GRB10: variants seen among roughly 807,000 people sequenced by gnomAD.
The protein encoded by GRB10 is growth factor receptor-bound protein 10.
In GRB10, 20 loss-of-function variants were observed where a neutral mutation model predicts 80.9. The ratio of observed to expected loss-of-function variants is 0.25; its 90% CI spans 0.17 to 0.36. GRB10 has a LOEUF of 0.36. GRB10 is among the 10% of genes least tolerant of loss of function. GRB10 has a pLI of 1.00. For synonymous variants in GRB10, 291 were observed against 291.5 expected, an observed-to-expected ratio of 1.00 and a Z score of 0.02; for missense variants, 548 against 747.7, an observed-to-expected ratio of 0.73 and a Z score of 3.12.
intron 4 of GRB10, among the ~76,000 whole-genome samples, chr7:50,713,483 C>G (rs1337870348): frequency 6.7e-6 from 1 of 149,878 alleles, no homozygotes; most frequent in Non-Finnish European, 1.5e-5. Context: ...TCAACCAACT[C>G]CTCTACCATC....
chr7:50,654,909 T>C (rs1207427299), intron 7 of GRB10, among the ~76,000 whole-genome samples: 1 of 152,200 alleles, frequency 6.6e-6, no homozygotes, highest in Admixed American at 6.5e-5. Flanking sequence ...CATTAGCTAA[T>C]TTACAGACCT....
intron 4 of GRB10, among the ~76,000 whole-genome samples, chr7:50,712,951 A>G (rs2066121377): frequency 6.6e-6 from 1 of 152,244 alleles, no homozygotes; most frequent in Non-Finnish European, 1.5e-5. Context: ...CCATCACCCT[A>G]CAAAGAAACC....
intron 7 of GRB10, among the ~76,000 whole-genome samples, chr7:50,658,527 C>T (rs146427313): frequency 1.4e-4 from 21 of 152,254 alleles, no homozygotes; most frequent in Non-Finnish European, 2.5e-4. Context: ...AGGAGCCTCA[C>T]GTAGATGGCC....
chr7:50,635,563 A>C (rs1041404484), intron 7 of GRB10, among the ~76,000 whole-genome samples: 3 of 151,858 alleles, frequency 2.0e-5, no homozygotes, highest in African/African-American at 7.3e-5. Context: ...AAACAAAACA[A>C]AACAAAAAAA....
chr7:50,660,331 CAGGA>C (rs1384352263), intron 7 of GRB10, among the ~76,000 whole-genome samples: 1 of 151,864 alleles, frequency 6.6e-6, no homozygotes, highest in Admixed American at 6.6e-5. Context: ...TGCATTCATG[CAGGA>C]AGGGAGGTAG....
intron 5 of GRB10, among the ~76,000 whole-genome samples, chr7:50,694,098 CA>C (rs926436461): frequency 1.6e-4 from 25 of 152,200 alleles, no homozygotes; most frequent in African/African-American, 5.8e-4. Flanking sequence ...CCAGCACGGA[CA>C]GATCACCCAA....
chr7:50,662,130 G>A (rs2059341589), intron 7 of GRB10, among the ~76,000 whole-genome samples: 1 of 152,190 alleles, frequency 6.6e-6, no homozygotes, highest in Admixed American at 6.5e-5. Flanking sequence ...TTGGAGTCTG[G>A]CCCCATGCCC....
chr7:50,717,794 G>A (rs1215322356), intron 4 of GRB10, among the ~76,000 whole-genome samples: 1 of 152,242 alleles, frequency 6.6e-6, no homozygotes, highest in Non-Finnish European at 1.5e-5. Flanking sequence ...CTGAAATGAG[G>A]TTCTTGGGGT....
At chr7:50,660,275 A>G (rs988804972) in intron 7 of GRB10, among the ~76,000 whole-genome samples, 4 of 152,094 alleles carry the variant, frequency 2.6e-5, no homozygotes, top group African/African-American at 9.7e-5. Context: ...GTGGGGGTGC[A>G]GCCATCATGC....
At position 50,669,772 on chromosome 7, in the gene GRB10, G is replaced by C. The variant is rs200175899; in HGVS notation, c.454C>G (p.Pro152Ala). The C allele has an allele frequency of 7.1e-4, 1,143 of 1,613,962 alleles. 10 individuals are homozygous for C. In the African/African-American group the frequency reaches 0.012, roughly 17 times the overall value. The change falls in exon 7 of 19, where the codon CCT (proline) becomes GCT (alanine). Residue 152 changes from proline to alanine, a missense_variant. Pro to Ala is a conservative substitution (Grantham distance 27). Coordinates refer to ENST00000401949, the MANE Select transcript of GRB10 (RefSeq NM_001350814.2). ...FPELCGPGSP[P>A]VLTPGSLPPS... ...GGTAAAGAACCCGGCGTGAGCACAGGGGGGCTCCCAGGGCCACAGAGTTCA... is the reference window on the plus strand; with the variant it reads ...GGTAAAGAACCCGGCGTGAGCACAGCGGGGCTCCCAGGGCCACAGAGTTCA...
intron 6 of GRB10, 130 bp from the exon 7 acceptor site, chr7:50,669,993 G>A (rs1563369939): frequency 1.7e-6 from 2 of 1,170,036 alleles, no homozygotes; most frequent in Non-Finnish European, 2.5e-6. Flanking sequence ...CACGTTCACA[G>A]TGGCATCCTT....
At chr7:50,649,973 A>C (rs1258074583) in intron 7 of GRB10, among the ~76,000 whole-genome samples, 1 of 152,098 alleles carries the variant, frequency 6.6e-6, no homozygotes, top group Non-Finnish European at 1.5e-5. Flanking sequence ...CTGGTTATAG[A>C]TCTGGGTCAT....
intron 7 of GRB10, among the ~76,000 whole-genome samples, chr7:50,642,031 T>C (rs770628871): frequency 3.9e-5 from 6 of 152,176 alleles, no homozygotes; most frequent in South Asian, 2.1e-4. Context: ...AGGCTCTACA[T>C]AGAGGCTTCA....
chr7:50,700,742 TA>T (rs1439517382), intron 5 of GRB10, among the ~76,000 whole-genome samples: 1 of 152,256 alleles, frequency 6.6e-6, no homozygotes, highest in Admixed American at 6.5e-5. Flanking sequence ...GGGTGTGTTT[TA>T]AAGTTTCCTC....
At chr7:50,676,344 G>GC (rs1563400714) in intron 5 of GRB10, among the ~76,000 whole-genome samples, 2 of 135,912 alleles carry the variant, frequency 1.5e-5, no homozygotes, top group Non-Finnish European at 1.7e-5. Flanking sequence ...CCGGGGGGGG[G>GC]GGGGGGTTGT....
chr7:50,792,521 G>GCATCAGAAATTTC, intron 1 of GRB10: 1 of 398,586 alleles, frequency 2.5e-6, no homozygotes, highest in Non-Finnish European at 4.4e-6. Context: ...GCGAAGAGTT[G>GCATCAGAAATTTC]CATCAGAAAT....
At chr7:50,694,244 A>T (rs1049284198) in intron 5 of GRB10, among the ~76,000 whole-genome samples, 1 of 152,228 alleles carries the variant, frequency 6.6e-6, no homozygotes, top group Non-Finnish European at 1.5e-5. Flanking sequence ...GAATTGCTTG[A>T]ACCTGGGAGG....
chr7:50,604,415 G>C, intron 15 of GRB10, 38 bp from the exon 16 acceptor site: 1 of 1,535,252 alleles, frequency 6.5e-7, no homozygotes, highest in Non-Finnish European at 9.0e-7. Flanking sequence ...GAGGACAGCA[G>C]ACAGACACAC....
chr7:50,720,483 A>G (rs1379088590), intron 4 of GRB10, among the ~76,000 whole-genome samples: 1 of 152,186 alleles, frequency 6.6e-6, no homozygotes, highest in East Asian at 1.9e-4. Flanking sequence ...GATGAGGCCC[A>G]TCTGACACCA....
Sources: allele counts gnomAD v4.1 joint callset (sites outside exome capture counted in the v4.1 genomes callset), GRCh38; gene constraint gnomAD v4.1.1; transcripts MANE v1.5; gene names NCBI Gene and HGNC (gene_info 2026-07-23, HGNC 2026-07-21).